PDK1: variants seen among roughly 807,000 people sequenced by gnomAD.
PDK1 encodes [Pyruvate dehydrogenase (acetyl-transferring)] kinase isozyme 1, mitochondrial.
In PDK1, 39 loss-of-function variants were observed where a neutral mutation model predicts 54.2. The observed-to-expected ratio is 0.72, with a 90% CI of 0.56 to 0.94. The LOEUF (loss-of-function observed/expected upper bound fraction) is 0.94. Among genes scored for constraint, PDK1 ranks in the 40% least tolerant of loss-of-function variants. The pLI, the probability that PDK1 is intolerant of heterozygous loss-of-function variation, is 0.00. For synonymous variants in PDK1, 221 were observed against 207.1 expected, an observed-to-expected ratio of 1.07 and a Z score of -0.58; for missense variants, 552 against 566.0, an observed-to-expected ratio of 0.98 and a Z score of 0.25.
the PDK1 span, chr2:172,724,242 G>A: frequency 6.6e-6 from 1 of 152,038 alleles, no homozygotes; most frequent in African/African-American, 2.4e-5. Flanking sequence ...ATTCTGCTGT[G>A]ATCTATTTTT....
downstream of PDK1, among the ~76,000 whole-genome samples, chr2:172,609,403 G>T (rs1691393757): frequency 6.6e-6 from 1 of 152,186 alleles, no homozygotes; most frequent in Non-Finnish European, 1.5e-5. Flanking sequence ...AACACAATCT[G>T]AAATTTTACT....
At chr2:172,556,990 T>C (rs1276504652) in intron 1 of PDK1, among the ~76,000 whole-genome samples, 1 of 152,226 alleles carries the variant, frequency 6.6e-6, no homozygotes, top group Admixed American at 6.5e-5. Context: ...AATTGCATAG[T>C]TAGGCATTTT....
At position 172,603,176 on chromosome 2, in the gene PDK1, G is replaced by C. The variant is rs773015367; in HGVS notation, c.*7207G>C. On this transcript the variant is annotated 3_prime_UTR_variant, in exon 11 of 11. Transcript: ENST00000282077. ...TGAGTAGCAAAGGACTAAAGGTTGT[G>C]AGATAAACTGCTTTTAGCAGCCCAA... The C allele has an allele frequency of 2.0e-5, 3 of 152,162 alleles. No individual in the cohort carries two copies. The highest frequency in any genetic ancestry group is 4.4e-5 in the Non-Finnish European group (3 of 68,026). 9.4% of individuals were successfully genotyped at this position (152,162 alleles called of 1,614,324 possible).
the PDK1 span, among the ~76,000 whole-genome samples, chr2:172,661,321 T>C: frequency 2.0e-5 from 3 of 152,202 alleles, no homozygotes; most frequent in African/African-American, 7.2e-5. Flanking sequence ...ATTGTATAAA[T>C]TATATAAAAA....
the PDK1 span, among the ~76,000 whole-genome samples, chr2:172,641,729 C>T: frequency 2.0e-5 from 3 of 152,122 alleles, no homozygotes; most frequent in East Asian, 1.9e-4. Flanking sequence ...CAGGCATGAG[C>T]GACCACACCC....
the PDK1 span, among the ~76,000 whole-genome samples, chr2:172,634,149 A>T: frequency 2.0e-5 from 3 of 151,340 alleles, no homozygotes; most frequent in African/African-American, 7.3e-5. Flanking sequence ...AAGTGCTGGG[A>T]TTACAGGCGT....
chr2:172,629,647 G>T, the PDK1 span, among the ~76,000 whole-genome samples: 10,888 of 152,202 alleles, frequency 0.072, 533 homozygotes, highest in East Asian at 0.22. Context: ...CCAAACAAGA[G>T]CTTGGGATAT....
chr2:172,705,362 C>A, the PDK1 span, among the ~76,000 whole-genome samples: 7 of 152,284 alleles, frequency 4.6e-5, no homozygotes, highest in African/African-American at 1.7e-4. Context: ...TCTGAGTGTC[C>A]AGCCTTTTGC....
In PDK1 at chr2:172,556,226, C is replaced by T; in HGVS notation, c.76C>T (p.Arg26Cys). 4 of 1,437,826 alleles carry T rather than the reference C, an allele frequency of 2.8e-6. No individual in the cohort carries two copies. The highest frequency in any genetic ancestry group is 3.0e-5 in the African/African-American group (2 of 66,530). The allele number at this position is 1,437,826 out of a possible 1,614,324, so 89.1% of individuals were successfully genotyped here. A position where few individuals can be genotyped will look rare whatever the true frequency, so the allele number is the denominator to read the frequency against. ...GPGLRAAGFS[R>C]SFSSDSGSSP... ...GGGGCTGCGCGCCGCCGGCTTCAGC[C>T]GCAGCTTCAGCTCGGACTCGGGCTC... The change falls in exon 1 of 11, where the codon CGC (arginine) becomes TGC (cysteine). Residue 26 changes from arginine to cysteine, a missense_variant. Coordinates refer to ENST00000282077, the MANE Select transcript of PDK1 (RefSeq NM_002610.5).
chr2:172,561,361 A>C (rs1411566472), intron 2 of PDK1, among the ~76,000 whole-genome samples: 1 of 152,226 alleles, frequency 6.6e-6, no homozygotes, highest in Non-Finnish European at 1.5e-5. Context: ...GGAATGCAGT[A>C]AGACATATTG....
At chr2:172,643,793 A>G in the PDK1 span, among the ~76,000 whole-genome samples, 11,352 of 152,306 alleles carry the variant, frequency 0.075, 547 homozygotes, top group Middle Eastern at 0.11. Context: ...GAGGAGTTCA[A>G]TAATTCTAAA....
chr2:172,666,002 A>G, the PDK1 span, among the ~76,000 whole-genome samples: 1 of 152,350 alleles, frequency 6.6e-6, no homozygotes, highest in East Asian at 1.9e-4. Flanking sequence ...AGGAGCCTGC[A>G]TATTTGAGGA....
chr2:172,621,667 GAT>G, the PDK1 span, among the ~76,000 whole-genome samples: 9 of 145,076 alleles, frequency 6.2e-5, no homozygotes, highest in South Asian at 2.1e-4. Context: ...TCATATATAT[GAT>G]ATATGTTTAT....
At chr2:172,668,894 C>CATAT in the PDK1 span, among the ~76,000 whole-genome samples, 10 of 113,180 alleles carry the variant, frequency 8.8e-5, no homozygotes, top group Admixed American at 4.0e-4. Flanking sequence ...CACACACACA[C>CATAT]ATATATATAT....
At chr2:172,635,951 G>T in the PDK1 span, among the ~76,000 whole-genome samples, 19 of 152,196 alleles carry the variant, frequency 1.2e-4, no homozygotes, top group Non-Finnish European at 2.2e-4. Flanking sequence ...CCCAGTAAAA[G>T]CTGTGACCTA....
chr2:172,713,259 T>C, the PDK1 span, among the ~76,000 whole-genome samples: 3,909 of 152,302 alleles, frequency 0.026, 177 homozygotes, highest in African/African-American at 0.09. Context: ...TATGTGCTGA[T>C]TGGTCCATGA....
At chr2:172,706,609 T>C in the PDK1 span, among the ~76,000 whole-genome samples, 1 of 152,104 alleles carries the variant, frequency 6.6e-6, no homozygotes, top group Non-Finnish European at 1.5e-5. Flanking sequence ...TTTGTGTTTT[T>C]ATAGGAACAG....
At chr2:172,685,928 C>T in the PDK1 span, among the ~76,000 whole-genome samples, 4 of 152,226 alleles carry the variant, frequency 2.6e-5, no homozygotes, top group Non-Finnish European at 4.4e-5. Flanking sequence ...TTTGCATTCA[C>T]ATTTCCAATT....
the PDK1 span, among the ~76,000 whole-genome samples, chr2:172,654,665 C>T: frequency 4.6e-5 from 7 of 152,060 alleles, no homozygotes; most frequent in Middle Eastern, 3.2e-3. Flanking sequence ...ATGTAAATGA[C>T]AAGTTAACGA....
Sources: gnomAD v4.1 joint callset for allele counts (sites outside exome capture counted in the v4.1 genomes callset) on GRCh38, gnomAD v4.1.1 for gene constraint, MANE v1.5 for transcripts, NCBI Gene and HGNC (gene_info 2026-07-23, HGNC 2026-07-21) for gene names.